IFT80: variants seen among roughly 807,000 people sequenced by gnomAD.
IFT80 encodes intraflagellar transport protein 80 homolog.
IFT80 carries 79 observed loss-of-function variants against 107.9 expected under a neutral mutation model. The ratio of observed to expected loss-of-function variants is 0.73; its 90% CI spans 0.61 to 0.88. IFT80 has a LOEUF of 0.88. Ranked by LOEUF, IFT80 falls within the 40% of genes least tolerant of loss-of-function variation. The pLI, the probability that IFT80 is intolerant of heterozygous loss-of-function variation, is 0.00. For missense variants in IFT80, 797 were observed against 914.2 expected (o/e 0.87, Z 1.65); for synonymous variants, 299 against 300.9 (o/e 0.99, Z 0.07).
At chr3:160,358,743 C>T (rs977648065) in intron 6 of IFT80, among the ~76,000 whole-genome samples, 18 of 152,174 alleles carry the variant, frequency 1.2e-4, no homozygotes, top group Non-Finnish European at 2.5e-4. Flanking sequence ...ATTTTCCTTA[C>T]ACTGTAATTT....
At chr3:160,369,649 T>C (rs1457056787) in intron 5 of IFT80, among the ~76,000 whole-genome samples, 2 of 152,022 alleles carry the variant, frequency 1.3e-5, no homozygotes, top group East Asian at 1.9e-4. Context: ...TATTAAAGCA[T>C]GAATTATTCC....
intron 19 of IFT80, 53 bp from the exon 20 acceptor site, chr3:160,258,688 T>C: frequency 6.3e-7 from 1 of 1,591,318 alleles, no homozygotes; most frequent in Admixed American, 1.7e-5. Flanking sequence ...AAGACATTTT[T>C]GTTTACTCCA....
At chr3:160,260,105 G>A (rs1712696870) in intron 19 of IFT80, among the ~76,000 whole-genome samples, 1 of 152,096 alleles carries the variant, frequency 6.6e-6, no homozygotes, top group African/African-American at 2.4e-5. Context: ...CTGAATTGCT[G>A]TGAAGCAATT....
At chr3:160,261,789 G>A (rs1281828559) in intron 19 of IFT80, among the ~76,000 whole-genome samples, 1 of 143,160 alleles carries the variant, frequency 7.0e-6, no homozygotes, top group Non-Finnish European at 1.5e-5. Context: ...GCAACAAAGT[G>A]AGACCCTGTC....
chr3:160,356,514 G>A (rs1472236488), intron 7 of IFT80, among the ~76,000 whole-genome samples: 1 of 152,000 alleles, frequency 6.6e-6, no homozygotes, highest in African/African-American at 2.4e-5. Context: ...TTAGTTCTTA[G>A]CTTTGTTTTG....
intron 1 of IFT80, among the ~76,000 whole-genome samples, chr3:160,397,213 T>A (rs138538069): frequency 2.8e-3 from 425 of 152,294 alleles, no homozygotes; most frequent in Non-Finnish European, 5.0e-3. Flanking sequence ...CACTTCTCAC[T>A]TACTGTTATA....
At chr3:160,315,299 C>G (rs2108291899) in intron 9 of IFT80, among the ~76,000 whole-genome samples, 1 of 152,266 alleles carries the variant, frequency 6.6e-6, no homozygotes, top group South Asian at 2.1e-4. Context: ...CTCCAGTGAG[C>G]AGAGGGATGA....
At chr3:160,285,105 G>A (rs1714987679) in intron 13 of IFT80, among the ~76,000 whole-genome samples, 1 of 152,098 alleles carries the variant, frequency 6.6e-6, no homozygotes, top group Admixed American at 6.6e-5. Flanking sequence ...TTGGGGGTCT[G>A]AGGCGAGTGG....
intron 8 of IFT80, among the ~76,000 whole-genome samples, chr3:160,339,057 G>T (rs1719697704): frequency 6.6e-6 from 1 of 152,120 alleles, no homozygotes; most frequent in Admixed American, 6.6e-5. Flanking sequence ...AGCTTACCTA[G>T]CATCTTCAGG....
intron 11 of IFT80, among the ~76,000 whole-genome samples, chr3:160,302,224 G>A (rs2108268939): frequency 6.6e-6 from 1 of 151,916 alleles, no homozygotes; most frequent in East Asian, 1.9e-4. Context: ...TTTTGCTATG[G>A]AAACAAAACA....
chr3:160,365,977 G>T, intron 6 of IFT80, 66 bp downstream of exon 6: 1 of 1,183,138 alleles, frequency 8.5e-7, no homozygotes, highest in Non-Finnish European at 1.3e-6. Flanking sequence ...AGACTCCTAA[G>T]CAAGTGCCCT....
intron 11 of IFT80, 104 bp downstream of exon 11, chr3:160,303,811 T>C (rs1411066245): frequency 5.5e-6 from 4 of 729,012 alleles, no homozygotes; most frequent in Non-Finnish European, 9.9e-6. Flanking sequence ...AGATTGGTTC[T>C]AAATGACTAG....
chr3:160,397,716 C>CTTTTTTTTTTTT (rs545413654), intron 1 of IFT80, among the ~76,000 whole-genome samples: 1 of 96,598 alleles, frequency 1.0e-5, no homozygotes, highest in African/African-American at 4.2e-5. Context: ...TTGGTCTATA[C>CTTTTTTTTTTTT]TTTTTTTTTT....
At chr3:160,352,523 C>T (rs1576854269) in intron 8 of IFT80, among the ~76,000 whole-genome samples, 1 of 152,114 alleles carries the variant, frequency 6.6e-6, no homozygotes, top group East Asian at 1.9e-4. Context: ...AGTCTTCCTT[C>T]AAGTGCCCTC....
intron 1 of IFT80, among the ~76,000 whole-genome samples, chr3:160,385,206 A>G (rs1012087432): frequency 2.6e-5 from 4 of 152,254 alleles, no homozygotes; most frequent in African/African-American, 9.6e-5. Context: ...TTGCTTATAA[A>G]AGTTATGTAA....
At chr3:160,261,329 A>G (rs1712807560) in intron 19 of IFT80, among the ~76,000 whole-genome samples, 1 of 151,996 alleles carries the variant, frequency 6.6e-6, no homozygotes, top group South Asian at 2.1e-4. Context: ...TGCTTAGTAT[A>G]TATCAAGGAT....
At chr3:160,272,854 A>C (rs62272169) in intron 18 of IFT80, among the ~76,000 whole-genome samples, 14,374 of 152,254 alleles carry the variant, frequency 0.094, 916 homozygotes, top group African/African-American at 0.17. Flanking sequence ...ATTACCTTAT[A>C]CTTGTACAAA....
chr3:160,390,244 C>G (rs541511600), intron 1 of IFT80, among the ~76,000 whole-genome samples: 1 of 151,690 alleles, frequency 6.6e-6, no homozygotes, highest in Admixed American at 6.6e-5. Context: ...ATGCAGAAAC[C>G]CTGTCTCTAC....
chr3:160,311,168 T>C (rs1292827961), intron 9 of IFT80, among the ~76,000 whole-genome samples: 1 of 152,046 alleles, frequency 6.6e-6, no homozygotes, highest in Non-Finnish European at 1.5e-5. Flanking sequence ...TAAATAAATG[T>C]AATCATACCA....
Sources: gnomAD v4.1 joint callset for allele counts (sites outside exome capture counted in the v4.1 genomes callset) on GRCh38, gnomAD v4.1.1 for gene constraint, MANE v1.5 for transcripts, NCBI Gene and HGNC (gene_info 2026-07-23, HGNC 2026-07-21) for gene names.